The following PTCD3 variants were observed in gnomAD, a reference collection of about 807,000 sequenced individuals.
The protein encoded by PTCD3 is pentatricopeptide repeat domain 3.
Under a neutral mutation model 101.9 loss-of-function variants are expected in PTCD3, and 89 were observed. That is an observed-to-expected ratio of 0.87 (90% CI 0.74 to 1.04). The LOEUF (loss-of-function observed/expected upper bound fraction) is 1.04, where lower values mean the gene tolerates loss of function less well. Among genes scored for constraint, PTCD3 ranks in the 50% least tolerant of loss-of-function variants. The probability of loss-of-function intolerance (pLI) is 0.00; values close to 1 mark genes in which losing one functional copy is unlikely to be tolerated. For missense variants in PTCD3, 870 were observed against 828.2 expected, an observed-to-expected ratio of 1.05 and a Z score of -0.62; for synonymous variants, 296 against 278.5, an observed-to-expected ratio of 1.06 and a Z score of -0.63.
intron 9 of PTCD3, among the ~76,000 whole-genome samples, 182 bp from the exon 10 acceptor site, chr2:86,124,813 C>G (rs978448275): frequency 6.6e-6 from 1 of 152,120 alleles, no homozygotes; most frequent in Non-Finnish European, 1.5e-5. Flanking sequence ...ACATTAAGAT[C>G]GTTAAGTCTT....
In PTCD3 at chr2:86,140,799, C is replaced by A. The variant is rs1385161272; in HGVS notation, c.*3240C>A. The A allele has an allele frequency of 1.3e-5, 2 of 151,630 alleles. No individual in the cohort carries two copies. Among genetic ancestry groups the A allele is most frequent in the Non-Finnish European group, 2.9e-5 (2 of 67,996 alleles). The allele number at this position is 151,630 out of a possible 1,614,324, so 9.4% of individuals were successfully genotyped here. On this transcript the variant is annotated 3_prime_UTR_variant, in exon 24 of 24. Transcript: ENST00000254630. Reference sequence around the variant, plus strand: ...AGCCTATTAAAAAATGCTGTCCAGGCCAGGCACAGTGGCTCACACCTGTAA... The same window carrying A: ...AGCCTATTAAAAAATGCTGTCCAGGACAGGCACAGTGGCTCACACCTGTAA...
At chr2:86,135,121 A>G (rs1674563000) in intron 21 of PTCD3, 134 bp downstream of exon 21, 2 of 1,050,084 alleles carry the variant, frequency 1.9e-6, no homozygotes, top group African/African-American at 1.6e-5. Flanking sequence ...AATACCAACT[A>G]AAAAGCAAAC....
intron 3 of PTCD3, among the ~76,000 whole-genome samples, chr2:86,109,098 A>T (rs201350981): frequency 6.6e-6 from 1 of 151,812 alleles, no homozygotes; most frequent in East Asian, 1.9e-4. Flanking sequence ...TAGGTCTTAA[A>T]ATTATGTGAC....
intron 14 of PTCD3, among the ~76,000 whole-genome samples, chr2:86,129,101 A>G (rs534624126): frequency 6.6e-6 from 1 of 152,178 alleles, no homozygotes; most frequent in Non-Finnish European, 1.5e-5. Flanking sequence ...AGGAAAAGGA[A>G]CCAGTTAATT....
chr2:86,118,938 C>T lies in PTCD3; in HGVS notation c.432C>T (p.Tyr144=), dbSNP rs776680224. Residue 144 remains tyrosine (Y), a synonymous_variant, in exon 7 of 24, where the codon TAC becomes TAT. Coordinates refer to ENST00000254630, the MANE Select transcript of PTCD3 (RefSeq NM_017952.6). ...TTTCCTAGTGTTTAATGCCTGAGTA[C>T]TTTGAACCTCAGATCAAAGACATAA... The part of the protein sequence containing the change: ...EPHIPCLMPE[Y]FEPQIKDISE... 2 of 1,613,340 alleles carry T rather than the reference C, an allele frequency of 1.2e-6. No individual in the cohort carries two copies. The highest frequency in any genetic ancestry group is 2.2e-5 in the South Asian group (2 of 91,008).
rs759233991 is a variant in PTCD3, at chr2:86,125,085, A to G, written c.804+3A>G. On this transcript the variant is annotated splice_donor_region_variant and intron_variant, in intron 10 of 23. Transcript: ENST00000254630. ...CAATGATCCGAGGAATGGTGAAGGT[A>G]CATTTGTTTTATTTATTTTTGTCTT... is the stretch of plus-strand genomic sequence containing the variant. 2 of 1,613,030 alleles carry G rather than the reference A, an allele frequency of 1.2e-6. No individual in the cohort carries two copies. The highest frequency in any genetic ancestry group is 1.7e-6 in the Non-Finnish European group (2 of 1,179,754).
At chr2:86,116,947 T>C in intron 5 of PTCD3, 108 bp from the exon 6 acceptor site, 1 of 638,930 alleles carries the variant, frequency 1.6e-6, no homozygotes, top group Non-Finnish European at 2.8e-6. Context: ...TTCTGCGTGT[T>C]GTTGCATTTG....
At chr2:86,123,156 G>A (rs140678194) in intron 8 of PTCD3, among the ~76,000 whole-genome samples, 3,225 of 151,978 alleles carry the variant, frequency 0.021, 66 homozygotes, top group Non-Finnish European at 0.027. Context: ...CAGCTACTCC[G>A]GAGGCTGAGG....
At chr2:86,124,728 A>T (rs1674351240) in intron 9 of PTCD3, among the ~76,000 whole-genome samples, 3 of 152,214 alleles carry the variant, frequency 2.0e-5, no homozygotes, top group Admixed American at 1.3e-4. Context: ...AATAGCACAG[A>T]TATTTATATA....
At chr2:86,130,559 A>C (rs1674476580) in intron 14 of PTCD3, 89 bp from the exon 15 acceptor site, 2 of 1,515,360 alleles carry the variant, frequency 1.3e-6, no homozygotes, top group African/African-American at 1.4e-5. Context: ...AGGTGGAGGA[A>C]GGAGAAATGT....
rs772223625 is a variant in PTCD3, at chr2:86,134,272, T to C, written c.1544-20T>C. 3 of 1,562,060 alleles carry C rather than the reference T, an allele frequency of 1.9e-6. No homozygotes were observed. The Admixed American group carries it at 5.0e-5, about 26-fold the overall frequency. On this transcript the variant is annotated intron_variant, in intron 19 of 23. Coordinates refer to ENST00000254630, the MANE Select transcript of PTCD3 (RefSeq NM_017952.6). ...GTTTTACATAACAATGATCACTCCT[T>C]GTTCCTTTCTTGTTTCAAGATAGTA...
chr2:86,124,561 G>A lies in PTCD3; in HGVS notation c.717-434G>A, dbSNP rs144356159. On this transcript the variant is annotated intron_variant, in intron 9 of 23. Coordinates refer to ENST00000254630, the MANE Select transcript of PTCD3 (RefSeq NM_017952.6). ...AATCACTTAAACCCAGGAGGTGGAG[G>A]TTATGGAATGAGAGAAGAGTTAAAA... Among the ~76,000 whole-genome samples the A allele has an allele frequency of 5.3e-4, 81 of 152,278 alleles. 1 individual carries two copies. The East Asian group carries it at 0.014, about 26-fold the overall frequency.
rs1674557349 is a variant in PTCD3 at position 86,134,949 on chromosome 2, T to C, written c.1740T>C (p.Ala580=). 1.2e-6 allele frequency: 2 copies of C among 1,614,156 alleles called. No homozygotes were observed. Among genetic ancestry groups the C allele is most frequent in the Non-Finnish European group, 1.7e-6 (2 of 1,179,994 alleles). The part of the protein sequence containing the change: ...DWPATSLNCI[A]ILFLRAGRTQ... ...CAGCCACCTCTCTCAACTGTATAGC[T>C]ATCCTCTTTTTAAGGGCTGGGAGAA... The change falls in exon 21 of 24, where the codon GCT becomes GCC. Residue 580 remains alanine, a synonymous_variant. Transcript: ENST00000254630.
At chr2:86,129,796 C>T (rs896730857) in intron 14 of PTCD3, among the ~76,000 whole-genome samples, 8 of 152,134 alleles carry the variant, frequency 5.3e-5, no homozygotes, top group Admixed American at 3.9e-4. Flanking sequence ...TCTATCTGTA[C>T]TGTCATTACA....
intron 14 of PTCD3, among the ~76,000 whole-genome samples, chr2:86,129,253 A>G (rs922932732): frequency 6.6e-6 from 1 of 152,198 alleles, no homozygotes; most frequent in Non-Finnish European, 1.5e-5. Context: ...CACTGGTTCA[A>G]TTGCTAATCA....
Position 86,125,004 on chromosome 2 carries a change from C to A in PTCD3, c.726C>A (p.Asn242Lys), listed in dbSNP as rs199886711. The A allele has an allele frequency of 3.6e-5, 58 of 1,613,880 alleles. 1 individual carries two copies. The East Asian group carries it at 5.8e-4, about 16-fold the overall frequency. ...ACTCTCTTGTGTCTAGAGCAAAAAACAACGCTGAGAGAATCTTTTCTCTAA... is the reference window on the plus strand; with the variant it reads ...ACTCTCTTGTGTCTAGAGCAAAAAAAAACGCTGAGAGAATCTTTTCTCTAA... ...HQFGVTWRAK[N>K]NAERIFSLMP... is the part of the protein sequence containing the mutation. Residue 242 changes from asparagine to lysine, a missense_variant, in exon 10 of 24, where the codon AAC becomes AAA. By Grantham distance (94) the Asn-to-Lys change is moderately conservative. Transcript: ENST00000254630.
At position 86,106,342 on chromosome 2, in the gene PTCD3, G is replaced by C. The variant is rs1306271732; in HGVS notation, c.95G>C (p.Arg32Pro). 6.2e-7 allele frequency: 1 copy of C among 1,613,948 alleles called. No individual in the cohort carries two copies. The highest frequency in any genetic ancestry group is 1.3e-5 in the African/African-American group (1 of 75,062). The stretch of plus-strand genomic sequence containing the variant: ...CGGGCGGGTTTGTGTGAACAGGCAC[G>C]CAGCTGCAGGTAAGAGACGCTTAGG... The part of the protein sequence containing the change: ...GRRAGLCEQA[R>P]SCRFYSGSAT... Residue 32 changes from arginine to proline, a missense_variant, in exon 1 of 24, where the codon CGC becomes CCC. Arg to Pro is a moderately radical substitution (Grantham distance 103). Coordinates refer to ENST00000254630, the MANE Select transcript of PTCD3 (RefSeq NM_017952.6).
intron 21 of PTCD3, chr2:86,135,283 A>T: frequency 4.0e-6 from 1 of 248,240 alleles, no homozygotes; most frequent in Admixed American, 5.1e-5. Flanking sequence ...AGATCAAAGA[A>T]ATATATGATC....
At chr2:86,113,026 C>T (rs1674118844) in intron 4 of PTCD3, among the ~76,000 whole-genome samples, 2 of 152,134 alleles carry the variant, frequency 1.3e-5, no homozygotes, top group African/African-American at 4.8e-5. Context: ...AAGCAACTAG[C>T]TTTATGATCT....
Sources: allele counts gnomAD v4.1 joint callset (sites outside exome capture counted in the v4.1 genomes callset), GRCh38; gene constraint gnomAD v4.1.1; transcripts MANE v1.5; gene names NCBI Gene and HGNC (gene_info 2026-07-23, HGNC 2026-07-21).